The following LOC400499 variants were observed in gnomAD, a reference collection of about 807,000 sequenced individuals.
chr16:11,425,165 C>A, the LOC400499 span: 1 of 399,056 alleles, frequency 2.5e-6, no homozygotes, highest in Non-Finnish European at 4.4e-6. Context: ...TCGGGCCACC[C>A]GCAAGCTGTC....
the LOC400499 span, chr16:11,500,735 C>G: frequency 2.5e-6 from 1 of 398,410 alleles, no homozygotes; most frequent in Non-Finnish European, 4.4e-6. Flanking sequence ...ATCACCTCCC[C>G]CACATCTAAC....
At chr16:11,510,287 AGT>A in the LOC400499 span, among the ~76,000 whole-genome samples, 1 of 151,710 alleles carries the variant, frequency 6.6e-6, no homozygotes, top group African/African-American at 2.4e-5. Context: ...CTGCCCTCGC[AGT>A]GTGTCTAGCT....
At chr16:11,456,096 G>C in the LOC400499 span, among the ~76,000 whole-genome samples, 2 of 150,620 alleles carry the variant, frequency 1.3e-5, no homozygotes, top group African/African-American at 2.5e-5. Context: ...CCAGGCTGGA[G>C]TGCAGTGGTG....
chr16:11,516,399 C>T, the LOC400499 span: 1 of 398,060 alleles, frequency 2.5e-6, no homozygotes. Flanking sequence ...TGCCTTCCTA[C>T]AGGCCAGCCC....
At chr16:11,407,980 T>G in the LOC400499 span, among the ~76,000 whole-genome samples, 36 of 139,730 alleles carry the variant, frequency 2.6e-4, no homozygotes, top group South Asian at 2.1e-3. Flanking sequence ...GTTTTTTTTT[T>G]TTTTTTTTTT....
At chr16:11,392,171 A>T in the LOC400499 span, 5 of 399,020 alleles carry the variant, frequency 1.3e-5, no homozygotes, top group Non-Finnish European at 2.2e-5. Flanking sequence ...CGGTGCCAGC[A>T]GCAGGTGTGG....
chr16:11,478,475 T>G, the LOC400499 span: 1,136 of 398,810 alleles, frequency 2.8e-3, 37 homozygotes, highest in East Asian at 0.039. Context: ...TGCCCTTAAG[T>G]GCTTTGCCAA....
chr16:11,443,100 G>A, the LOC400499 span, among the ~76,000 whole-genome samples: 1 of 151,980 alleles, frequency 6.6e-6, no homozygotes, highest in African/African-American at 2.4e-5. Flanking sequence ...GAGGCCGGGG[G>A]ATCACCTGAG....
At chr16:11,390,247 C>A in the LOC400499 span, 1 of 1,232,660 alleles carries the variant, frequency 8.1e-7, no homozygotes, top group Non-Finnish European at 1.0e-6. Context: ...TCATCCTCAC[C>A]TGCCAACTAC....
the LOC400499 span, chr16:11,461,159 C>A: frequency 2.7e-6 from 4 of 1,506,270 alleles, no homozygotes; most frequent in South Asian, 5.0e-5. Context: ...GGGTCAGCCC[C>A]CAGGGACCAG....
the LOC400499 span, among the ~76,000 whole-genome samples, chr16:11,436,046 G>C: frequency 2.0e-5 from 3 of 152,206 alleles, no homozygotes; most frequent in African/African-American, 7.2e-5. Context: ...AGGGAGGAAT[G>C]GGGGAGATAG....
chr16:11,486,456 T>G, the LOC400499 span, among the ~76,000 whole-genome samples: 1 of 137,780 alleles, frequency 7.3e-6, no homozygotes, highest in African/African-American at 2.9e-5. Flanking sequence ...GAATGGTACA[T>G]GGGTAGACAG....
chr16:11,387,425 G>T, the LOC400499 span: 1 of 693,348 alleles, frequency 1.4e-6, no homozygotes, highest in Non-Finnish European at 2.0e-6. Flanking sequence ...TCAGGGAGGG[G>T]CTGTCCTTGT....
the LOC400499 span, among the ~76,000 whole-genome samples, chr16:11,474,095 G>A: frequency 1.3e-5 from 2 of 152,224 alleles, no homozygotes; most frequent in African/African-American, 4.8e-5. Flanking sequence ...CTGGACTCAA[G>A]GAATCCTCTC....
the LOC400499 span, among the ~76,000 whole-genome samples, chr16:11,497,226 C>A: frequency 2.0e-5 from 3 of 152,096 alleles, no homozygotes; most frequent in African/African-American, 7.2e-5. Context: ...TGTGTGTACA[C>A]GTGCGCTCAG....
chr16:11,378,950 G>A, the LOC400499 span, among the ~76,000 whole-genome samples: 2 of 152,134 alleles, frequency 1.3e-5, no homozygotes, highest in African/African-American at 2.4e-5. Context: ...TTCTGTCTGG[G>A]TGTTGTATCC....
the LOC400499 span, among the ~76,000 whole-genome samples, chr16:11,496,923 T>C: frequency 3.4e-5 from 5 of 146,032 alleles, no homozygotes; most frequent in African/African-American, 1.3e-4. Flanking sequence ...TGTGTGTGTG[T>C]GTGTGTGTGT....
At chr16:11,438,956 T>C in the LOC400499 span, among the ~76,000 whole-genome samples, 6 of 152,142 alleles carry the variant, frequency 3.9e-5, no homozygotes, top group Non-Finnish European at 7.4e-5. Context: ...GTCAAATTAA[T>C]GGTGTGCCCC....
chr16:11,491,812 C>T, the LOC400499 span: 4 of 398,828 alleles, frequency 1.0e-5, no homozygotes, highest in Non-Finnish European at 1.8e-5. Context: ...GCATCCTCCT[C>T]CAGGGATTGG....
Sources: gnomAD v4.1 joint callset for allele counts (sites outside exome capture counted in the v4.1 genomes callset) on GRCh38, gnomAD v4.1.1 for gene constraint, MANE v1.5 for transcripts.